WDR17: variants seen among roughly 807,000 people sequenced by gnomAD.
WDR17 encodes the protein WD repeat-containing protein 17.
In WDR17, 143 loss-of-function variants were observed where a neutral mutation model predicts 161.7. The ratio of observed to expected loss-of-function variants is 0.88; its 90% CI spans 0.77 to 1.02. The LOEUF (loss-of-function observed/expected upper bound fraction) is 1.02. Ranked by LOEUF, WDR17 falls within the 50% of genes least tolerant of loss-of-function variation. The pLI is 0.00. For synonymous variants in WDR17, 517 were observed against 515.6 expected (o/e 1.00, Z -0.04); for missense variants, 1,469 against 1,520.9 (o/e 0.97, Z 0.57).
chr4:176,165,129 C>T (rs141284795), intron 22 of WDR17, among the ~76,000 whole-genome samples: 1,795 of 151,082 alleles, frequency 0.012, 20 homozygotes, highest in Non-Finnish European at 0.019. Context: ...GAGTTCAAGA[C>T]CAGCCTGGCC....
chr4:176,107,600 T>C (rs1285356383), intron 1 of WDR17, among the ~76,000 whole-genome samples: 1 of 151,790 alleles, frequency 6.6e-6, no homozygotes, highest in Non-Finnish European at 1.5e-5. Context: ...TATTCAGCTT[T>C]AAATCAGAAG....
intron 1 of WDR17, among the ~76,000 whole-genome samples, chr4:176,106,633 A>C (rs1286923962): frequency 1.3e-5 from 2 of 152,218 alleles, no homozygotes; most frequent in African/African-American, 4.8e-5. Flanking sequence ...ATTGGATTTC[A>C]TGAAAATTAA....
chr4:176,110,475 A>G (rs1283782372), intron 1 of WDR17, among the ~76,000 whole-genome samples: 1 of 152,236 alleles, frequency 6.6e-6, no homozygotes, highest in East Asian at 1.9e-4. Flanking sequence ...AAGATAGCTA[A>G]TAATGGCTTG....
At position 176,137,631 on chromosome 4, in the gene WDR17, A is replaced by G. The variant is rs1744627530; in HGVS notation, c.1359+20A>G. On this transcript the variant is annotated intron_variant, in intron 9 of 28. Transcript: ENST00000508596. The stretch of plus-strand genomic sequence containing the variant: ...AATGAGGTAAGATTTATTTATTGCT[A>G]CTGAATAATATAATGTTTTATACTA... 3 of 1,428,182 alleles carry G rather than the reference A, an allele frequency of 2.1e-6. No individual in the cohort carries two copies. Among genetic ancestry groups the G allele is most frequent in the Admixed American group, 1.8e-5 (1 of 56,818 alleles). The allele number at this position is 1,428,182 out of a possible 1,614,324, so 88.5% of individuals were successfully genotyped here. A position where few individuals can be genotyped will look rare whatever the true frequency, so the allele number is the denominator to read the frequency against.
intron 3 of WDR17, 76 bp from the exon 4 acceptor site, chr4:176,119,791 A>G: frequency 7.8e-7 from 1 of 1,277,588 alleles, no homozygotes; most frequent in Non-Finnish European, 1.1e-6. Context: ...TTAGAAATGT[A>G]AACAGGGCAA....
chr4:176,147,331 A>T (rs1307253814), intron 12 of WDR17, among the ~76,000 whole-genome samples: 1 of 152,176 alleles, frequency 6.6e-6, no homozygotes, highest in Non-Finnish European at 1.5e-5. Flanking sequence ...GTCTAAGCAA[A>T]ATTAGCAGTT....
chr4:176,151,015 G>A (rs1389596132), intron 16 of WDR17, among the ~76,000 whole-genome samples: 5 of 152,120 alleles, frequency 3.3e-5, no homozygotes, highest in Admixed American at 6.5e-5. Context: ...GCAATCTACA[G>A]CACTAACAAC....
intron 4 of WDR17, 66 bp downstream of exon 4, chr4:176,120,163 T>C (rs925295922): frequency 1.2e-4 from 158 of 1,301,650 alleles, no homozygotes; most frequent in Non-Finnish European, 1.6e-4. Flanking sequence ...TTGTACTTGC[T>C]TGGTCTTTCT....
chr4:176,151,944 G>T lies in WDR17; in HGVS notation c.2437G>T (p.Glu813Ter). ...LRLGQIQRYC[E>*]LMVELGEWDK... ...ATTAGGACAAATTCAGAGATACTGT[G>T]AACTTATGGTTGAACTTGGAGAGGT... The change falls in exon 17 of 29, where the codon GAA becomes TAA. Residue 813 changes from glutamate (E) to a stop codon, truncating the protein, a stop_gained. Transcript: ENST00000508596. LOFTEE classifies it high-confidence loss of function. 6.2e-7 allele frequency: 1 copy of T among 1,612,470 alleles called. No individual in the cohort carries two copies. The highest frequency in any genetic ancestry group is 8.5e-7 in the Non-Finnish European group (1 of 1,179,580).
At chr4:176,078,713 A>G (rs1170081799) in intron 1 of WDR17, among the ~76,000 whole-genome samples, 2 of 152,008 alleles carry the variant, frequency 1.3e-5, no homozygotes, top group Non-Finnish European at 2.9e-5. Flanking sequence ...TCATATTTTG[A>G]TCTTTGTCAT....
chr4:176,110,332 G>A (rs548852180), intron 1 of WDR17, among the ~76,000 whole-genome samples: 58 of 152,010 alleles, frequency 3.8e-4, no homozygotes, highest in African/African-American at 1.1e-3. Flanking sequence ...TAGTAGAGAC[G>A]GGGTTTCACC....
In WDR17 at chr4:176,099,847, ACT is replaced by A. The variant is rs1172421173; in HGVS notation, c.-6-11723_-6-11722del. On this transcript the variant is annotated intron_variant, in intron 1 of 28. Coordinates refer to ENST00000508596, the MANE Select transcript of WDR17 (RefSeq NM_181265.4). The stretch of plus-strand genomic sequence containing the variant: ...TATGAATGGGAACATGTGATATGTG[ACT>A]CTCTGTGCATGGCTTGTTTCACTTA... Among the ~76,000 whole-genome samples the A allele has an allele frequency of 8.6e-5, 13 of 151,636 alleles. No individual in the cohort carries two copies. In the East Asian group the frequency reaches 1.2e-3, roughly 14 times the overall value.
At chr4:176,067,243 T>C (rs987189538) in intron 1 of WDR17, among the ~76,000 whole-genome samples, 2 of 152,212 alleles carry the variant, frequency 1.3e-5, no homozygotes, top group African/African-American at 4.8e-5. Context: ...CCTCCTATCA[T>C]CTAAAATTAA....
At chr4:176,089,221 C>T (rs1370683925) in intron 1 of WDR17, among the ~76,000 whole-genome samples, 2 of 152,004 alleles carry the variant, frequency 1.3e-5, no homozygotes, top group Non-Finnish European at 2.9e-5. Context: ...ATAAAATAAA[C>T]GTACTCCCTC....
intron 17 of WDR17, among the ~76,000 whole-genome samples, chr4:176,154,212 G>C: frequency 6.6e-6 from 1 of 152,090 alleles, no homozygotes; most frequent in East Asian, 1.9e-4. Context: ...CGGGCACGGT[G>C]GCTTATGCCT....
intron 23 of WDR17, among the ~76,000 whole-genome samples, chr4:176,170,306 T>A (rs1342265166): frequency 7.1e-6 from 1 of 141,488 alleles, no homozygotes; most frequent in African/African-American, 2.6e-5. Context: ...TCAATTATTT[T>A]TTCTTTTTTC....
intron 4 of WDR17, among the ~76,000 whole-genome samples, chr4:176,124,311 C>A (rs938453731): frequency 2.0e-5 from 3 of 152,050 alleles, no homozygotes; most frequent in Non-Finnish European, 4.4e-5. Flanking sequence ...TCCATATTTC[C>A]AGTTGTGTAC....
At chr4:176,136,798 G>T (rs898065812) in intron 8 of WDR17, among the ~76,000 whole-genome samples, 2 of 151,456 alleles carry the variant, frequency 1.3e-5, no homozygotes, top group African/African-American at 4.8e-5. Flanking sequence ...AAAAATGTTA[G>T]AAATATGATG....
chr4:176,158,174 C>G (rs937842268), intron 18 of WDR17, among the ~76,000 whole-genome samples: 1 of 152,102 alleles, frequency 6.6e-6, no homozygotes, highest in Admixed American at 6.6e-5. Flanking sequence ...TTTAGAATAT[C>G]CGCACAAGCT....
Sources: allele counts gnomAD v4.1 joint callset (sites outside exome capture counted in the v4.1 genomes callset), GRCh38; gene constraint gnomAD v4.1.1; transcripts MANE v1.5; gene names NCBI Gene and HGNC (gene_info 2026-07-23, HGNC 2026-07-21).